MIA3: variants seen among roughly 807,000 people sequenced by gnomAD.
The protein encoded by MIA3 is transport and Golgi organization protein 1 homolog.
Under a neutral mutation model 192.4 loss-of-function variants are expected in MIA3, and 90 were observed. That is an observed-to-expected ratio of 0.47 (90% CI 0.39 to 0.56). The LOEUF is 0.56. Among genes scored for constraint, MIA3 ranks in the 20% least tolerant of loss-of-function variants. The pLI, the probability that MIA3 is intolerant of heterozygous loss-of-function variation, is 0.00. For missense variants in MIA3, 2,123 were observed against 2,269.4 expected, an observed-to-expected ratio of 0.94 and a Z score of 1.31; for synonymous variants, 740 against 792.8, an observed-to-expected ratio of 0.93 and a Z score of 1.12.
At chr1:222,633,463 A>T (rs1662495385) in intron 6 of MIA3, among the ~76,000 whole-genome samples, 1 of 152,176 alleles carries the variant, frequency 6.6e-6, no homozygotes, top group Non-Finnish European at 1.5e-5. Context: ...GCTGGGCACA[A>T]GCACACCTGT....
In MIA3 at chr1:222,650,818, A is replaced by G; in HGVS notation, c.3824A>G (p.Asn1275Ser). ...YKDKIKTLEK[N>S]QEILDDTAKN... is the part of the protein sequence containing the mutation. ...GATAAAATCAAGACACTTGAAAAAA[A>G]TCAGGAAATTCTGGATGACACAGCT... The change falls in exon 11 of 28, where the codon AAT becomes AGT. Residue 1275 changes from asparagine (N) to serine (S), a missense_variant. Asn to Ser is a conservative substitution (Grantham distance 46, BLOSUM62 1). Around this residue, in one of 3 missense-constraint regions of MIA3, gnomAD observed 762 missense variants for 856.4 expected, o/e 0.89. Coordinates refer to ENST00000344922, the MANE Select transcript of MIA3 (RefSeq NM_198551.4). 1 of 1,609,858 alleles carries G rather than the reference A, an allele frequency of 6.2e-7. No homozygotes were observed. Among genetic ancestry groups the G allele is most frequent in the South Asian group, 1.1e-5 (1 of 90,076 alleles).
intron 6 of MIA3, 47 bp downstream of exon 6, chr1:222,633,296 G>C: frequency 1.4e-6 from 2 of 1,470,784 alleles, no homozygotes; most frequent in South Asian, 2.5e-5. Context: ...GATTATTACA[G>C]TTTTTAAGTT....
chr1:222,629,278 C>T lies in MIA3; in HGVS notation c.2058C>T (p.Ser686=). ...RLSEGEAKED[S]LDEEFFHHKA... is the part of the protein sequence containing the mutation. ...CTGAGGGAGAAGCCAAAGAGGACTC[C>T]TTGGATGAAGAGTTTTTTCATCACA... Residue 686 remains serine (S), a synonymous_variant, in exon 4 of 28, where the codon TCC becomes TCT. Coordinates refer to ENST00000344922, the MANE Select transcript of MIA3 (RefSeq NM_198551.4). The T allele has an allele frequency of 6.2e-7, 1 of 1,614,178 alleles. No homozygotes were observed. Among genetic ancestry groups the T allele is most frequent in the South Asian group, 1.1e-5 (1 of 91,086 alleles).
chr1:222,650,396 G>GTTT lies in MIA3; in HGVS notation c.3720+28_3720+30dup. 7.5e-6 allele frequency: 9 copies of GTTT among 1,203,908 alleles called. No homozygotes were observed. Among genetic ancestry groups the GTTT allele is most frequent in the Admixed American group, 2.3e-5 (1 of 44,142 alleles). The allele number at this position is 1,203,908 out of a possible 1,614,324, so 74.6% of individuals were successfully genotyped here. On this transcript the variant is annotated intron_variant, in intron 9 of 27. Transcript: ENST00000344922. ...TGAACAGAAGGTATGATTATTCTTT[G>GTTT]TTTTTTTTTTTTTTCATGGTCCCAG...
chr1:222,651,623 G>A (rs979135810), intron 11 of MIA3, among the ~76,000 whole-genome samples: 2 of 144,422 alleles, frequency 1.4e-5, no homozygotes, highest in African/African-American at 4.9e-5. Flanking sequence ...AGTACCTTGG[G>A]GATTATTTTT....
intron 18 of MIA3, 23 bp from the exon 19 acceptor site, chr1:222,658,699 A>AT: frequency 6.4e-7 from 1 of 1,555,554 alleles, no homozygotes; most frequent in Non-Finnish European, 8.8e-7. Context: ...AAACACTTTC[A>AT]TTGACAACCA....
At chr1:222,619,279 C>G (rs1234704675) in intron 1 of MIA3, among the ~76,000 whole-genome samples, 1 of 152,180 alleles carries the variant, frequency 6.6e-6, no homozygotes, top group Non-Finnish European at 1.5e-5. Flanking sequence ...CCTCCCAGAC[C>G]GTCTCAACCT....
chr1:222,621,209 C>T lies in MIA3; in HGVS notation c.184C>T (p.Arg62Cys). 1 of 1,613,478 alleles carries T rather than the reference C, an allele frequency of 6.2e-7. No homozygotes were observed. Among genetic ancestry groups the T allele is most frequent in the South Asian group, 1.1e-5 (1 of 91,036 alleles). ...TGAAGATTTCACAGGCCCGGATTGT[C>T]GTTTTGTGAATTTTAAAAAAGGTGA... ...ALEDFTGPDC[R>C]FVNFKKGDPV... Residue 62 changes from arginine (R) to cysteine (C), a missense_variant, in exon 2 of 28, where the codon CGT (arginine) becomes TGT (cysteine). Physicochemically the swap from Arg to Cys is radical, Grantham distance 180 (BLOSUM62 -3). Coordinates refer to ENST00000344922, the MANE Select transcript of MIA3 (RefSeq NM_198551.4).
At chr1:222,660,155 A>G in intron 23 of MIA3, 22 bp from the exon 24 acceptor site, 2 of 1,607,700 alleles carry the variant, frequency 1.2e-6, no homozygotes, top group Non-Finnish European at 1.7e-6. Flanking sequence ...TTAAAATGCT[A>G]ACAAGATGCT....
At chr1:222,652,387 C>T in intron 13 of MIA3, 55 bp downstream of exon 13, 3 of 1,052,312 alleles carry the variant, frequency 2.9e-6, no homozygotes, top group South Asian at 2.5e-5. Context: ...AGTATCATAC[C>T]TCATGAATGC....
chr1:222,622,082 G>A (rs1171537523), intron 2 of MIA3, among the ~76,000 whole-genome samples: 1 of 152,124 alleles, frequency 6.6e-6, no homozygotes, highest in African/African-American at 2.4e-5. Flanking sequence ...GGGATTACAG[G>A]CGTGAGCCAC....
Position 222,627,934 on chromosome 1 carries a change from A to G in MIA3, c.714A>G (p.Leu238=), listed in dbSNP as rs770180513. The G allele has an allele frequency of 1.9e-6, 3 of 1,614,116 alleles. No homozygotes were observed. The highest frequency in any genetic ancestry group is 2.5e-6 in the Non-Finnish European group (3 of 1,180,024). The change falls in exon 4 of 28, where the codon CTA becomes CTG. Residue 238 remains leucine, a synonymous_variant. Transcript: ENST00000344922. ...TTGAAGAAATGCTGCAAGATAAACTAAAAGTGCCAGAAAGTGAAAACAACA... is the reference window on the plus strand; with the variant it reads ...TTGAAGAAATGCTGCAAGATAAACTGAAAGTGCCAGAAAGTGAAAACAACA... ...ESFEEMLQDK[L]KVPESENNKT...
chr1:222,633,003 C>A (rs1558179708), intron 5 of MIA3, 101 bp from the exon 6 acceptor site: 2 of 1,211,542 alleles, frequency 1.7e-6, no homozygotes, highest in Non-Finnish European at 2.3e-6. Context: ...CGTTTACTTT[C>A]CAGGCACAGT....
chr1:222,652,892 A>G (rs1663517115), intron 13 of MIA3, 116 bp from the exon 14 acceptor site: 2 of 1,191,084 alleles, frequency 1.7e-6, no homozygotes, highest in Middle Eastern at 2.2e-4. Flanking sequence ...GTCTTAGCCC[A>G]TAGTGATAGG....
intron 18 of MIA3, among the ~76,000 whole-genome samples, chr1:222,657,463 T>C (rs1663792294): frequency 6.6e-6 from 1 of 152,250 alleles, no homozygotes; most frequent in Non-Finnish European, 1.5e-5. Context: ...AATGCCGGGC[T>C]TACTTATAAT....
chr1:222,664,142 C>T lies in MIA3; in HGVS notation c.5407C>T (p.Pro1803Ser), dbSNP rs200514511. Residue 1803 changes from proline to serine, a missense_variant, in exon 27 of 28, where the codon CCC becomes TCC. Coordinates refer to ENST00000344922, the MANE Select transcript of MIA3 (RefSeq NM_198551.4). The part of the protein sequence containing the change: ...GPFGPRPLPP[P>S]FGPGMRPPLG... ...TTTTGGGCCTCGGCCACTTCCTCCA[C>T]CCTTTGGTAAGATGATCTGAACAGT... is the stretch of plus-strand genomic sequence containing the variant. 15 of 1,614,140 alleles carry T rather than the reference C, an allele frequency of 9.3e-6. No individual in the cohort carries two copies. The East Asian group carries it at 2.5e-4, about 26-fold the overall frequency.
chr1:222,650,842 C>T lies in MIA3; in HGVS notation c.3848C>T (p.Ala1283Val). The T allele has an allele frequency of 6.2e-7, 1 of 1,610,402 alleles. No homozygotes were observed. The highest frequency in any genetic ancestry group is 8.5e-7 in the Non-Finnish European group (1 of 1,178,672). ...AATCAGGAAATTCTGGATGACACAG[C>T]TAAAAATCTTCGTGTTATGCTAGAA... Reference protein sequence around the residue: ...EKNQEILDDTAKNLRVMLESE... With the variant: ...EKNQEILDDTVKNLRVMLESE... Residue 1283 changes from alanine (A) to valine (V), a missense_variant, in exon 11 of 28, where the codon GCT becomes GTT. Ala to Val is a moderately conservative substitution (Grantham distance 64, BLOSUM62 0). This residue lies in a region of MIA3 where 762 missense variants were observed against 856.4 expected (regional missense o/e 0.89). Transcript: ENST00000344922.
intron 7 of MIA3, among the ~76,000 whole-genome samples, chr1:222,646,347 G>A (rs1474125548): frequency 4.0e-5 from 6 of 151,290 alleles, no homozygotes; most frequent in South Asian, 2.1e-4. Flanking sequence ...CCTGGGAGGC[G>A]GAGGCTGCAG....
At chr1:222,623,903 G>A (rs1224978157) in intron 2 of MIA3, among the ~76,000 whole-genome samples, 3 of 152,222 alleles carry the variant, frequency 2.0e-5, no homozygotes, top group Non-Finnish European at 2.9e-5. Context: ...GGGCAGATTA[G>A]TGTGTATTAC....
Sources: gnomAD v4.1 joint callset for allele counts (sites outside exome capture counted in the v4.1 genomes callset) on GRCh38, gnomAD v4.1.1 for gene constraint, gnomAD v4.1.1 regional missense constraint, MANE v1.5 for transcripts, NCBI Gene and HGNC (gene_info 2026-07-23, HGNC 2026-07-21) for gene names.